ARL15: variants seen among roughly 807,000 people sequenced by gnomAD.
ARL15 encodes the protein ADP-ribosylation factor-like protein 15.
ARL15 carries 19 observed loss-of-function variants against 25.2 expected under a neutral mutation model. The ratio of observed to expected loss-of-function variants is 0.75; its 90% CI spans 0.53 to 1.10. The LOEUF (loss-of-function observed/expected upper bound fraction) is 1.10, where lower values mean the gene tolerates loss of function less well. ARL15 is among the 50% of genes least tolerant of loss of function. ARL15 has a pLI of 0.00. For synonymous variants in ARL15, 94 were observed against 86.8 expected (o/e 1.08, Z -0.46); for missense variants, 220 against 246.0 (o/e 0.89, Z 0.71).
Position 54,068,498 on chromosome 5 carries a change from C to T in ARL15, c.462+44704G>A, listed in dbSNP as rs75340374. ...CTGAATCTCTTTTCTGTTTCTTTATCTCTAACTTATAATTTGTTGGAAGAA... is the reference window on the plus strand; with the variant it reads ...CTGAATCTCTTTTCTGTTTCTTTATTTCTAACTTATAATTTGTTGGAAGAA... On this transcript the variant is annotated intron_variant, in intron 4 of 4. Transcript: ENST00000504924. 2.4e-4 allele frequency among the ~76,000 whole-genome samples: 36 copies of T among 152,308 alleles called. 1 individual carries two copies. In the East Asian group the frequency reaches 6.7e-3, roughly 29 times the overall value.
At chr5:53,898,933 C>T (rs1744965698) in intron 4 of ARL15, among the ~76,000 whole-genome samples, 1 of 152,158 alleles carries the variant, frequency 6.6e-6, no homozygotes, top group Admixed American at 6.5e-5. Flanking sequence ...GGATTATAGG[C>T]ATGAGCCACT....
At chr5:54,248,703 A>C (rs977418419) in intron 1 of ARL15, among the ~76,000 whole-genome samples, 4 of 132,448 alleles carry the variant, frequency 3.0e-5, no homozygotes, top group African/African-American at 1.1e-4. Flanking sequence ...GCAATGTCTT[A>C]CACATACTAG....
intron 4 of ARL15, among the ~76,000 whole-genome samples, chr5:54,108,313 C>T (rs902973724): frequency 1.1e-4 from 17 of 152,084 alleles, no homozygotes. Flanking sequence ...GTTTGTATCT[C>T]TCATACCATT....
intron 4 of ARL15, among the ~76,000 whole-genome samples, chr5:54,088,475 C>G (rs181822729): frequency 1.3e-5 from 2 of 152,134 alleles, no homozygotes; most frequent in African/African-American, 4.8e-5. Context: ...CCATTGAAAA[C>G]AAGCATTTTC....
chr5:54,177,267 T>G (rs1295112449), intron 1 of ARL15, among the ~76,000 whole-genome samples: 1 of 152,158 alleles, frequency 6.6e-6, no homozygotes, highest in Non-Finnish European at 1.5e-5. Flanking sequence ...GCCTAGGTCT[T>G]GAGAGAGGGC....
chr5:54,088,034 T>C (rs981582031), intron 4 of ARL15, among the ~76,000 whole-genome samples: 2 of 152,198 alleles, frequency 1.3e-5, no homozygotes, highest in Non-Finnish European at 2.9e-5. Context: ...AGCTGATTGA[T>C]TGTACAGTTA....
chr5:54,197,995 G>A lies in ARL15; in HGVS notation c.49-26067C>T, dbSNP rs1006857157. Among the ~76,000 whole-genome samples, 7 of 151,552 alleles carry A rather than the reference G, an allele frequency of 4.6e-5. No homozygotes were observed. The East Asian group carries it at 7.7e-4, about 17-fold the overall frequency. On this transcript the variant is annotated intron_variant, in intron 1 of 4. Coordinates refer to ENST00000504924, the MANE Select transcript of ARL15 (RefSeq NM_019087.3). ...GGGATGCAAGGCTGGTTCAATATACGCAAATCAATAAATGTAATCCAGCAT... is the reference window on the plus strand; with the variant it reads ...GGGATGCAAGGCTGGTTCAATATACACAAATCAATAAATGTAATCCAGCAT...
intron 4 of ARL15, among the ~76,000 whole-genome samples, chr5:53,996,618 TAAAAAA>T (rs529752025): frequency 0.11 from 10,375 of 98,806 alleles, 497 homozygotes; most frequent in Middle Eastern, 0.19. Context: ...GACTGTCTCA[TAAAAAA>T]AAAAAAAAAA....
intron 4 of ARL15, among the ~76,000 whole-genome samples, chr5:54,010,649 G>A (rs1427684165): frequency 6.6e-6 from 1 of 152,138 alleles, no homozygotes; most frequent in African/African-American, 2.4e-5. Flanking sequence ...AATGGTTTCT[G>A]AAGAAATTAT....
rs969863030 is a variant in ARL15 at position 53,884,351 on chromosome 5, C to T, written c.*2210G>A. ...GAAAAGGGACTTACACTCCCACCCC[C>T]AGCCATCCCACCCACCCCACCACCC... On this transcript the variant is annotated 3_prime_UTR_variant, in exon 5 of 5. Transcript: ENST00000504924. The T allele has an allele frequency of 6.9e-6, 1 of 144,426 alleles. No individual in the cohort carries two copies. The highest frequency in any genetic ancestry group is 1.5e-5 in the Non-Finnish European group (1 of 65,962). 8.9% of individuals were successfully genotyped at this position (144,426 alleles called of 1,614,324 possible). A position where few individuals can be genotyped will look rare whatever the true frequency, so the allele number is the denominator to read the frequency against.
chr5:54,205,174 C>A (rs1167472592), intron 1 of ARL15, among the ~76,000 whole-genome samples: 1 of 152,124 alleles, frequency 6.6e-6, no homozygotes, highest in Non-Finnish European at 1.5e-5. Context: ...ATGAAGAGCG[C>A]TCACTTTGGA....
At chr5:53,911,979 T>C (rs554721531) in intron 4 of ARL15, 19 of 152,176 alleles carry the variant, frequency 1.2e-4, no homozygotes, top group Admixed American at 6.6e-4. Flanking sequence ...CTTCCAGCAA[T>C]CCGAAGTCTC....
chr5:54,077,667 G>A (rs1751655472), intron 4 of ARL15, among the ~76,000 whole-genome samples: 1 of 152,190 alleles, frequency 6.6e-6, no homozygotes, highest in Non-Finnish European at 1.5e-5. Flanking sequence ...AATCTGGAGT[G>A]TGTACAACAA....
chr5:54,048,301 C>G (rs1378697021), intron 4 of ARL15: 1 of 151,772 alleles, frequency 6.6e-6, no homozygotes, highest in Non-Finnish European at 1.5e-5. Context: ...CATGCCACCT[C>G]ACTTGGCTTA....
At chr5:53,980,006 A>G (rs991421003) in intron 4 of ARL15, among the ~76,000 whole-genome samples, 4 of 152,168 alleles carry the variant, frequency 2.6e-5, no homozygotes, top group Admixed American at 6.5e-5. Flanking sequence ...AACCTGGCCT[A>G]AAGTCTTGAC....
chr5:53,977,391 G>A lies in ARL15; in HGVS notation c.463-90678C>T, dbSNP rs116101670. Among the ~76,000 whole-genome samples the A allele has an allele frequency of 7.0e-3, 1,054 of 150,664 alleles. 11 individuals are homozygous for A. The highest frequency in any genetic ancestry group is 0.024 in the African/African-American group (1,004 of 41,066). ...AAAAAAAAAAATTCCCACTAATAGTGTTTTGTTTTGTTTTAATGTAGCACA... is the reference window on the plus strand; with the variant it reads ...AAAAAAAAAAATTCCCACTAATAGTATTTTGTTTTGTTTTAATGTAGCACA... On this transcript the variant is annotated intron_variant, in intron 4 of 4. Coordinates refer to ENST00000504924, the MANE Select transcript of ARL15 (RefSeq NM_019087.3).
intron 4 of ARL15, among the ~76,000 whole-genome samples, chr5:53,940,265 GCCCGGCAGTCCTGAAGTTTTAAAACTA>G: frequency 6.6e-6 from 1 of 152,056 alleles, no homozygotes; most frequent in Non-Finnish European, 1.5e-5. Context: ...GAACCACCGC[GCCCGGCAGTCCTGAAGTTTTAAAACTA>G]GACCAACCAG....
chr5:54,069,436 T>A (rs1051065774), intron 4 of ARL15, among the ~76,000 whole-genome samples: 2 of 151,490 alleles, frequency 1.3e-5, no homozygotes, highest in African/African-American at 4.9e-5. Context: ...CTGGGAGTGA[T>A]GGCGAGTGTC....
chr5:53,988,729 A>C (rs1748383682), intron 4 of ARL15, among the ~76,000 whole-genome samples: 1 of 152,218 alleles, frequency 6.6e-6, no homozygotes, highest in Non-Finnish European at 1.5e-5. Context: ...TGAAGAAGAT[A>C]AGCCTGTAAG....
Sources: gnomAD v4.1 joint callset for allele counts (sites outside exome capture counted in the v4.1 genomes callset) on GRCh38, gnomAD v4.1.1 for gene constraint, MANE v1.5 for transcripts, NCBI Gene and HGNC (gene_info 2026-07-23, HGNC 2026-07-21) for gene names.